CNOT2: variants seen among roughly 807,000 people sequenced by gnomAD.
CNOT2 encodes the protein CC chemokine receptor 4-negative regulator of transcription 2.
A neutral mutation model predicts 72.1 loss-of-function variants in CNOT2; 7 were observed. That is an observed-to-expected ratio of 0.10 (90% CI 0.06 to 0.18). CNOT2 has a LOEUF of 0.18. CNOT2 is among the 10% of genes least tolerant of loss of function. The pLI, the probability that CNOT2 is intolerant of heterozygous loss-of-function variation, is 1.00. For synonymous variants in CNOT2, 196 were observed against 225.6 expected (o/e 0.87, Z 1.17); for missense variants, 345 against 660.3 (o/e 0.52, Z 5.23).
At chr12:70,276,394 A>C (rs989710956) in intron 1 of CNOT2, among the ~76,000 whole-genome samples, 2 of 152,040 alleles carry the variant, frequency 1.3e-5, no homozygotes, top group African/African-American at 4.8e-5. Context: ...TTATTCTATA[A>C]GTACTGACTG....
chr12:70,353,054 A>G (rs1326319872), intron 15 of CNOT2, among the ~76,000 whole-genome samples: 1 of 150,950 alleles, frequency 6.6e-6, no homozygotes, highest in African/African-American at 2.4e-5. Flanking sequence ...TAATGAGGTT[A>G]GAATAATTTT....
rs138208300 is a variant in CNOT2 at position 70,291,863 on chromosome 12, G to A, written c.48+13589G>A. 4.7e-3 allele frequency among the ~76,000 whole-genome samples: 712 copies of A among 152,292 alleles called. 4 individuals carry two copies. The highest frequency in any genetic ancestry group is 0.015 in the African/African-American group (633 of 41,558). On this transcript the variant is annotated intron_variant, in intron 2 of 15. Transcript: ENST00000229195. ...GAGGCAGGAGAATGGCGTGAACCAG[G>A]GAGGCGGAGTTTGCAGTGAGCCGAG...
Position 70,344,143 on chromosome 12 carries a change from C to A in CNOT2, c.1306C>A (p.Leu436Ile). ...TCTTTTTCAGCTGGCTGCAATAAAA[C>A]TTGGCCGATATGGTGAAGACCTTCT... ...HIRDKLAAIK[L>I]GRYGEDLLFY... Residue 436 changes from leucine (L) to isoleucine (I), a missense_variant, in exon 14 of 16, where the codon CTT becomes ATT. Around this residue, in one of 4 missense-constraint regions of CNOT2, gnomAD observed 53 missense variants for 153.4 expected, o/e 0.35. Coordinates refer to ENST00000229195, the MANE Select transcript of CNOT2 (RefSeq NM_014515.7). The A allele has an allele frequency of 6.2e-7, 1 of 1,600,114 alleles. No individual in the cohort carries two copies. Among genetic ancestry groups the A allele is most frequent in the East Asian group, 2.2e-5 (1 of 44,664 alleles).
intron 15 of CNOT2, among the ~76,000 whole-genome samples, chr12:70,346,921 G>T (rs1229283835): frequency 2.0e-5 from 3 of 150,806 alleles, no homozygotes; most frequent in Admixed American, 6.7e-5. Flanking sequence ...ATTTTCATCA[G>T]TGTCAATGCA....
rs1286695728 is a variant in CNOT2 at position 70,299,143 on chromosome 12, A to G, written c.49-11752A>G. Among the ~76,000 whole-genome samples the G allele has an allele frequency of 2.6e-5, 4 of 152,136 alleles. No homozygotes were observed. In the East Asian group the frequency reaches 7.7e-4, roughly 29 times the overall value. ...CAAATGAGGAGCAGTCACGTCTCACATGGCGGCAGGCAAGAGTGAATGTGT... is the reference window on the plus strand; with the variant it reads ...CAAATGAGGAGCAGTCACGTCTCACGTGGCGGCAGGCAAGAGTGAATGTGT... On this transcript the variant is annotated intron_variant, in intron 2 of 15. Transcript: ENST00000229195.
At chr12:70,352,782 T>C (rs933119842) in intron 15 of CNOT2, among the ~76,000 whole-genome samples, 2 of 152,194 alleles carry the variant, frequency 1.3e-5, no homozygotes, top group Non-Finnish European at 2.9e-5. Flanking sequence ...ATAGCTATTC[T>C]GCATCTCTAT....
At chr12:70,308,542 A>G (rs1278434918) in intron 2 of CNOT2, among the ~76,000 whole-genome samples, 1 of 143,844 alleles carries the variant, frequency 7.0e-6, no homozygotes, top group Non-Finnish European at 1.5e-5. Context: ...ATTAAGCTTA[A>G]GTTTGGTATA....
At chr12:70,261,810 C>T (rs1958780875) in intron 1 of CNOT2, among the ~76,000 whole-genome samples, 1 of 151,140 alleles carries the variant, frequency 6.6e-6, no homozygotes, top group African/African-American at 2.4e-5. Context: ...GTACAATTCA[C>T]CAGTGAAGCT....
intron 2 of CNOT2, among the ~76,000 whole-genome samples, chr12:70,281,652 C>T (rs908540565): frequency 6.6e-6 from 1 of 152,128 alleles, no homozygotes; most frequent in African/African-American, 2.4e-5. Context: ...TTTTTCCAGA[C>T]GTCACCCTAT....
intron 3 of CNOT2, 65 bp from the exon 4 acceptor site, chr12:70,319,233 T>C: frequency 7.7e-7 from 1 of 1,297,226 alleles, no homozygotes; most frequent in Non-Finnish European, 1.1e-6. Context: ...TACAGATTTG[T>C]GGAGTGTAAA....
At chr12:70,264,001 T>TTA (rs957209349) in intron 1 of CNOT2, among the ~76,000 whole-genome samples, 44 of 152,338 alleles carry the variant, frequency 2.9e-4, no homozygotes, top group African/African-American at 1.0e-3. Flanking sequence ...TCTTTTTCAC[T>TTA]TATATATATC....
At chr12:70,306,176 G>A (rs996069386) in intron 2 of CNOT2, among the ~76,000 whole-genome samples, 4 of 151,992 alleles carry the variant, frequency 2.6e-5, no homozygotes, top group East Asian at 1.9e-4. Flanking sequence ...ATTTTAAGAC[G>A]TAGTCTCGTG....
intron 3 of CNOT2, among the ~76,000 whole-genome samples, chr12:70,318,122 T>C (rs777598885): frequency 6.6e-6 from 1 of 152,024 alleles, no homozygotes; most frequent in Non-Finnish European, 1.5e-5. Flanking sequence ...TGTCGTTTAG[T>C]ATCTCAGCAT....
At position 70,337,978 on chromosome 12, in the gene CNOT2, A is replaced by G. The variant is rs184744416; in HGVS notation, c.900+465A>G. ...TGTGATGGGAGTTTATATATTATTA[A>G]AATAATTGATAAAGAAGATCGGTAA... On this transcript the variant is annotated intron_variant, in intron 9 of 15. Coordinates refer to ENST00000229195, the MANE Select transcript of CNOT2 (RefSeq NM_014515.7). 14 of 242,748 alleles carry G rather than the reference A, an allele frequency of 5.8e-5. No homozygotes were observed. The East Asian group carries it at 1.8e-3, about 30-fold the overall frequency. The allele number at this position is 242,748 out of a possible 1,614,324, so 15.0% of individuals were successfully genotyped here.
intron 2 of CNOT2, among the ~76,000 whole-genome samples, chr12:70,296,902 G>T (rs1262552067): frequency 6.6e-6 from 1 of 151,994 alleles, no homozygotes; most frequent in African/African-American, 2.4e-5. Flanking sequence ...AATATTTCCA[G>T]GTTGTAACAA....
chr12:70,315,009 A>G (rs1432490372), intron 3 of CNOT2, among the ~76,000 whole-genome samples: 3 of 151,926 alleles, frequency 2.0e-5, no homozygotes, highest in Admixed American at 6.6e-5. Flanking sequence ...GATTACAGGC[A>G]TGCATCACCA....
chr12:70,292,668 T>A (rs144159576), intron 2 of CNOT2, among the ~76,000 whole-genome samples: 31 of 152,320 alleles, frequency 2.0e-4, no homozygotes, highest in African/African-American at 7.2e-4. Context: ...ATGAAGGCCT[T>A]GGAGGCCTTG....
chr12:70,306,040 A>C (rs1875309076), intron 2 of CNOT2, among the ~76,000 whole-genome samples: 1 of 152,156 alleles, frequency 6.6e-6, no homozygotes, highest in Admixed American at 6.5e-5. Context: ...CAGCCAACTT[A>C]AGTGGCTCCA....
chr12:70,341,502 CT>C (rs1311629644), intron 11 of CNOT2, among the ~76,000 whole-genome samples: 1 of 151,922 alleles, frequency 6.6e-6, no homozygotes, highest in African/African-American at 2.4e-5. Flanking sequence ...CAGTTCCCCT[CT>C]AACATGGGCC....
Sources: allele counts gnomAD v4.1 joint callset (sites outside exome capture counted in the v4.1 genomes callset), GRCh38; gene constraint gnomAD v4.1.1; regional missense constraint gnomAD v4.1.1; transcripts MANE v1.5; gene names NCBI Gene and HGNC (gene_info 2026-07-23, HGNC 2026-07-21).